Variants in ADK observed in about 807,000 individuals in gnomAD.
ADK encodes adenosine kinase, also known as N6,N6-dimethyladenosine kinase.
A neutral mutation model predicts 44.7 loss-of-function variants in ADK; 24 were observed. That is an observed-to-expected ratio of 0.54 (90% CI 0.39 to 0.76). The LOEUF is 0.76. Among genes scored for constraint, ADK ranks in the 30% least tolerant of loss-of-function variants. The pLI, the probability that ADK is intolerant of heterozygous loss-of-function variation, is 0.00. For synonymous variants in ADK, 128 were observed against 142.6 expected (o/e 0.90, Z 0.73); for missense variants, 321 against 425.1 (o/e 0.76, Z 2.15).
At chr10:74,572,277 G>C (rs936962505) in intron 7 of ADK, among the ~76,000 whole-genome samples, 1 of 152,180 alleles carries the variant, frequency 6.6e-6, no homozygotes, top group Non-Finnish European at 1.5e-5. Context: ...TAGTTTGGCT[G>C]GATATGAAAT....
rs1210721235 is a variant in ADK at position 74,695,751 on chromosome 10, C to T, written c.965-12570C>T. On this transcript the variant is annotated intron_variant, in intron 10 of 10. Transcript: ENST00000539909. ...TCCTTCTGGGCTCAAGCAATCCTCC[C>T]ACCTCAGCCTCCCAAGTAGCTGGGA... Among the ~76,000 whole-genome samples the T allele has an allele frequency of 3.3e-5, 5 of 151,802 alleles. No individual in the cohort carries two copies. In the East Asian group the frequency reaches 9.7e-4, roughly 29 times the overall value.
intron 1 of ADK, among the ~76,000 whole-genome samples, chr10:74,198,772 G>C (rs1043348683): frequency 6.6e-6 from 1 of 152,130 alleles, no homozygotes; most frequent in African/African-American, 2.4e-5. Flanking sequence ...GAACCATACT[G>C]TGATCTCTTA....
chr10:74,221,440 A>G (rs1174411346), intron 2 of ADK, among the ~76,000 whole-genome samples: 1 of 152,150 alleles, frequency 6.6e-6, no homozygotes, highest in Non-Finnish European at 1.5e-5. Context: ...AAATGGCCAT[A>G]CTGCCCAAGG....
intron 9 of ADK, among the ~76,000 whole-genome samples, chr10:74,603,707 CAT>C (rs764737687): frequency 1.3e-5 from 2 of 152,290 alleles, no homozygotes; most frequent in Middle Eastern, 3.4e-3. Context: ...CTGCAATAAA[CAT>C]ATGTGTGTAT....
At chr10:74,196,966 C>CT (rs1218272277) in intron 1 of ADK, among the ~76,000 whole-genome samples, 1 of 152,104 alleles carries the variant, frequency 6.6e-6, no homozygotes, top group Non-Finnish European at 1.5e-5. Flanking sequence ...AAATTTATCC[C>CT]AAGGCAGCCA....
At chr10:74,598,273 TG>T (rs1011173600) in intron 8 of ADK, among the ~76,000 whole-genome samples, 5 of 152,066 alleles carry the variant, frequency 3.3e-5, no homozygotes, top group African/African-American at 9.7e-5. Flanking sequence ...TACATACATC[TG>T]GGAAGAATTA....
chr10:74,312,222 A>G (rs961593204), intron 3 of ADK, among the ~76,000 whole-genome samples: 4 of 152,166 alleles, frequency 2.6e-5, no homozygotes, highest in Non-Finnish European at 4.4e-5. Context: ...GTAAATTTAT[A>G]TGGAGTGCAA....
At chr10:74,334,126 C>A (rs1040054547) in intron 4 of ADK, among the ~76,000 whole-genome samples, 1 of 152,124 alleles carries the variant, frequency 6.6e-6, no homozygotes, top group African/African-American at 2.4e-5. Flanking sequence ...AGTTTCATCA[C>A]CTCAAAACTT....
intron 8 of ADK, among the ~76,000 whole-genome samples, chr10:74,590,441 C>T (rs187204866): frequency 3.3e-5 from 5 of 152,182 alleles, no homozygotes; most frequent in African/African-American, 1.2e-4. Flanking sequence ...CAAAGTAATA[C>T]ATGTTCATGT....
At chr10:74,689,693 A>G (rs756560968) in intron 10 of ADK, among the ~76,000 whole-genome samples, 1 of 152,212 alleles carries the variant, frequency 6.6e-6, no homozygotes, top group Non-Finnish European at 1.5e-5. Context: ...TAGCTCATCC[A>G]TAAAGGAGGC....
At chr10:74,506,016 C>G in intron 6 of ADK, 1 of 152,186 alleles carries the variant, frequency 6.6e-6, no homozygotes. Flanking sequence ...AAACCTCTTT[C>G]TAAAAATGTC....
At chr10:74,295,085 GA>G (rs1354673818) in intron 3 of ADK, among the ~76,000 whole-genome samples, 4 of 151,908 alleles carry the variant, frequency 2.6e-5, no homozygotes, top group Non-Finnish European at 5.9e-5. Context: ...TCGAACTCCT[GA>G]ACTCAGGTGA....
chr10:74,356,788 A>G (rs1842161302), intron 4 of ADK, among the ~76,000 whole-genome samples: 1 of 152,210 alleles, frequency 6.6e-6, no homozygotes, highest in African/African-American at 2.4e-5. Context: ...GAGACAGGTC[A>G]TGGATTTCTC....
intron 7 of ADK, among the ~76,000 whole-genome samples, chr10:74,564,856 C>T (rs1850594283): frequency 6.6e-6 from 1 of 152,158 alleles, no homozygotes; most frequent in South Asian, 2.1e-4. Flanking sequence ...ATCGCCCCTG[C>T]CCCACCCCAC....
chr10:74,259,621 T>TA (rs1845966935), intron 3 of ADK, among the ~76,000 whole-genome samples: 1 of 151,816 alleles, frequency 6.6e-6, no homozygotes, highest in African/African-American at 2.4e-5. Flanking sequence ...CATGCCTGGC[T>TA]ATTTTTTTTG....
chr10:74,345,887 TTTGTTG>T lies in ADK; in HGVS notation c.273+31160_273+31165del, dbSNP rs376037394. Among the ~76,000 whole-genome samples, 27 of 152,040 alleles carry T rather than the reference TTTGTTG, an allele frequency of 1.8e-4. No individual in the cohort carries two copies. The South Asian group carries it at 4.8e-3, about 27-fold the overall frequency. ...TTGTTGCATTTAAAATTTCTGGGTT[TTTGTTG>T]TTGTTGTTGTTGTTGTTTTGAGATG... On this transcript the variant is annotated intron_variant, in intron 4 of 10. Transcript: ENST00000539909.
At chr10:74,546,287 C>G (rs1164739459) in intron 7 of ADK, among the ~76,000 whole-genome samples, 1 of 152,160 alleles carries the variant, frequency 6.6e-6, no homozygotes, top group Non-Finnish European at 1.5e-5. Context: ...TTTCAACTAA[C>G]AAATGGAAGA....
chr10:74,310,450 GT>G (rs200677418), intron 3 of ADK, among the ~76,000 whole-genome samples: 3,391 of 152,016 alleles, frequency 0.022, 42 homozygotes, highest in Middle Eastern at 0.044. Context: ...CATCCAACTG[GT>G]TATCCAAACT....
intron 4 of ADK, among the ~76,000 whole-genome samples, chr10:74,392,404 A>G (rs563941051): frequency 1.3e-5 from 2 of 152,210 alleles, no homozygotes; most frequent in African/African-American, 4.8e-5. Context: ...TTCCCTGATG[A>G]TTACTGATGT....
Sources: gnomAD v4.1 joint callset for allele counts (sites outside exome capture counted in the v4.1 genomes callset) on GRCh38, gnomAD v4.1.1 for gene constraint, MANE v1.5 for transcripts, NCBI Gene and HGNC (gene_info 2026-07-23, HGNC 2026-07-21) for gene names.